ZDHHC3: variants seen among roughly 807,000 people sequenced by gnomAD.
ZDHHC3 encodes zDHHC palmitoyltransferase 3.
In ZDHHC3, 9 loss-of-function variants were observed where a neutral mutation model predicts 30.6. That is an observed-to-expected ratio of 0.29 (90% confidence interval 0.18 to 0.51). The LOEUF (loss-of-function observed/expected upper bound fraction) is 0.51, where lower values mean the gene tolerates loss of function less well. Among genes scored for constraint, ZDHHC3 ranks in the 20% least tolerant of loss-of-function variants. The pLI is 0.97. For missense variants in ZDHHC3, 246 were observed against 384.2 expected, an observed-to-expected ratio of 0.64 and a Z score of 3.01; for synonymous variants, 136 against 140.2, an observed-to-expected ratio of 0.97 and a Z score of 0.21.
At position 44,926,114 on chromosome 3, in the gene ZDHHC3, T is replaced by A; in HGVS notation, c.*575A>T. 1 of 985,912 alleles carries A rather than the reference T, an allele frequency of 1.0e-6. No homozygotes were observed. The highest frequency in any genetic ancestry group is 4.7e-5 in the South Asian group (1 of 21,286). 61.1% of individuals were successfully genotyped at this position (985,912 alleles called of 1,614,324 possible). ...CATAAAGTACAAGGCAGGCAATTGC[T>A]TTGCGAGTTAGCAGGCAAACCGTGT... On this transcript the variant is annotated 3_prime_UTR_variant, in exon 7 of 7. Transcript: ENST00000424952.
chr3:44,974,185 A>G (rs1335715608), intron 1 of ZDHHC3, among the ~76,000 whole-genome samples: 3 of 152,266 alleles, frequency 2.0e-5, no homozygotes, highest in Admixed American at 2.0e-4. Context: ...TTAGCCTAAT[A>G]TATAAGACAT....
chr3:44,939,268 A>G (rs916632793), intron 3 of ZDHHC3, among the ~76,000 whole-genome samples: 18 of 152,366 alleles, frequency 1.2e-4, no homozygotes, highest in African/African-American at 4.3e-4. Context: ...TCTCTCTGTT[A>G]CCACTTTTAA....
At chr3:44,932,905 A>G (rs1273455625) in intron 5 of ZDHHC3, 1 of 1,614,016 alleles carries the variant, frequency 6.2e-7, no homozygotes, top group East Asian at 2.2e-5. Context: ...TCATGACTTT[A>G]CCTGTCGAAC....
intron 1 of ZDHHC3, among the ~76,000 whole-genome samples, chr3:44,971,763 C>G (rs990017542): frequency 6.6e-6 from 1 of 152,082 alleles, no homozygotes; most frequent in African/African-American, 2.4e-5. Context: ...TAAGCTTTAC[C>G]CATGTATTAC....
At chr3:44,945,401 A>C in intron 2 of ZDHHC3, 109 bp from the exon 3 acceptor site, 3 of 1,455,142 alleles carry the variant, frequency 2.1e-6, no homozygotes, top group South Asian at 2.5e-5. Context: ...ACACATGGAC[A>C]GGACACTTTG....
intron 3 of ZDHHC3, among the ~76,000 whole-genome samples, chr3:44,939,270 C>T (rs1372548001): frequency 1.3e-5 from 2 of 152,226 alleles, no homozygotes; most frequent in African/African-American, 4.8e-5. Context: ...TCTCTGTTAC[C>T]ACTTTTAAAA....
At chr3:44,938,983 A>G (rs1325883065) in intron 3 of ZDHHC3, among the ~76,000 whole-genome samples, 1 of 152,232 alleles carries the variant, frequency 6.6e-6, no homozygotes, top group Non-Finnish European at 1.5e-5. Context: ...TGTACAAAAT[A>G]AGTTTATTAT....
chr3:44,965,270 T>A lies in ZDHHC3; in HGVS notation c.-24-5810A>T, dbSNP rs144797549. On this transcript the variant is annotated intron_variant, in intron 1 of 6. Transcript: ENST00000424952. ...ATAACACACGTGCTTCATTATACCT[T>A]ATCATAAGTGTGCTCTTCCACTAAC... 5.8e-4 allele frequency among the ~76,000 whole-genome samples: 89 copies of A among 152,260 alleles called. 1 individual carries two copies. The East Asian group carries it at 0.011, about 19-fold the overall frequency.
chr3:44,923,687 T>A lies in ZDHHC3; in HGVS notation c.*3002A>T. 1.3e-6 allele frequency: 1 copy of A among 785,682 alleles called. No individual in the cohort carries two copies. Among genetic ancestry groups the A allele is most frequent in the Non-Finnish European group, 1.5e-6 (1 of 648,052 alleles). 48.7% of individuals were successfully genotyped at this position (785,682 alleles called of 1,614,324 possible). ...GCATGGTAGTACGTGCCTGTAGCCC[T>A]GGATATTCAGGAGGCCAAGGCACAA... is the stretch of plus-strand genomic sequence containing the variant. On this transcript the variant is annotated 3_prime_UTR_variant, in exon 7 of 7. Coordinates refer to ENST00000424952, the MANE Select transcript of ZDHHC3 (RefSeq NM_001135179.2).
chr3:44,921,600 C>G lies in ZDHHC3; in HGVS notation c.*5089G>C, dbSNP rs1700598331. ...TGGTTTGAAAAGCACAGCTCCAACACAGCTAACATTTATAAAGCCATACCA... is the reference window on the plus strand; with the variant it reads ...TGGTTTGAAAAGCACAGCTCCAACAGAGCTAACATTTATAAAGCCATACCA... On this transcript the variant is annotated 3_prime_UTR_variant, in exon 7 of 7. Coordinates refer to ENST00000424952, the MANE Select transcript of ZDHHC3 (RefSeq NM_001135179.2). 1.0e-6 allele frequency: 1 copy of G among 985,334 alleles called. No individual in the cohort carries two copies. The highest frequency in any genetic ancestry group is 1.1e-4 in the East Asian group (1 of 8,836). The allele number at this position is 985,334 out of a possible 1,614,324, so 61.0% of individuals were successfully genotyped here. A position where few individuals can be genotyped will look rare whatever the true frequency, so the allele number is the denominator to read the frequency against.
intron 2 of ZDHHC3, among the ~76,000 whole-genome samples, chr3:44,953,020 A>G (rs1398485700): frequency 6.6e-6 from 1 of 152,248 alleles, no homozygotes; most frequent in Non-Finnish European, 1.5e-5. Flanking sequence ...CTGAATAATG[A>G]TACATTTATT....
chr3:44,960,717 ATC>A (rs1160406907), intron 1 of ZDHHC3, among the ~76,000 whole-genome samples: 1 of 152,242 alleles, frequency 6.6e-6, no homozygotes, highest in African/African-American at 2.4e-5. Context: ...GGCAAGAAAT[ATC>A]TCTGTCTTTT....
chr3:44,945,276 C>A lies in ZDHHC3; in HGVS notation c.323G>T (p.Gly108Val). 6.2e-6 allele frequency: 10 copies of A among 1,614,202 alleles called. No individual in the cohort carries two copies. Among genetic ancestry groups the A allele is most frequent in the Non-Finnish European group, 8.5e-6 (10 of 1,180,042 alleles). The stretch of plus-strand genomic sequence containing the variant: ...CTCGATGAATTCTTTAGTGGCATTT[C>A]CTTTGGGCACTGCCCCCTGTAGGAA... ...MLTDPGAVPK[G>V]NATKEFIESL... Residue 108 changes from glycine to valine, a missense_variant, in exon 3 of 7, where the codon GGA becomes GTA. Gly to Val is a moderately radical substitution (Grantham distance 109, BLOSUM62 -3). Transcript: ENST00000424952.
chr3:44,922,136 A>C lies in ZDHHC3; in HGVS notation c.*4553T>G. On this transcript the variant is annotated 3_prime_UTR_variant, in exon 7 of 7. Coordinates refer to ENST00000424952, the MANE Select transcript of ZDHHC3 (RefSeq NM_001135179.2). ...GTGGCTTGTTTCTGCTTCACTGTGA[A>C]TTCTTTCTCTTCTATGAGGTGATCC... is the stretch of plus-strand genomic sequence containing the variant. The C allele has an allele frequency of 4.5e-5, 44 of 985,420 alleles. No homozygotes were observed. Among genetic ancestry groups the C allele is most frequent in the Non-Finnish European group, 5.3e-5 (44 of 829,922 alleles). The allele number at this position is 985,420 out of a possible 1,614,324, so 61.0% of individuals were successfully genotyped here. A position where few individuals can be genotyped will look rare whatever the true frequency, so the allele number is the denominator to read the frequency against.
At position 44,925,432 on chromosome 3, in the gene ZDHHC3, G is replaced by A; in HGVS notation, c.*1257C>T. 2 of 985,510 alleles carry A rather than the reference G, an allele frequency of 2.0e-6. No homozygotes were observed. The highest frequency in any genetic ancestry group is 2.4e-6 in the Non-Finnish European group (2 of 829,938). 61.0% of individuals were successfully genotyped at this position (985,510 alleles called of 1,614,324 possible). A position where few individuals can be genotyped will look rare whatever the true frequency, so the allele number is the denominator to read the frequency against. The stretch of plus-strand genomic sequence containing the variant: ...GTCAATAATCATATTTGTTATTTTT[G>A]CACTTGGAGGGCACTCCCTACCTCC... On this transcript the variant is annotated 3_prime_UTR_variant, in exon 7 of 7. Transcript: ENST00000424952.
intron 3 of ZDHHC3, among the ~76,000 whole-genome samples, chr3:44,934,669 A>G (rs1184664834): frequency 6.6e-6 from 1 of 151,718 alleles, no homozygotes; most frequent in Non-Finnish European, 1.5e-5. Flanking sequence ...AGATGGGCAG[A>G]TCATCTGAGG....
chr3:44,974,288 T>C (rs1308529675), intron 1 of ZDHHC3, among the ~76,000 whole-genome samples: 3 of 152,256 alleles, frequency 2.0e-5, no homozygotes, highest in Non-Finnish European at 2.9e-5. Flanking sequence ...ATACATGTTC[T>C]ATATTTTAAG....
At chr3:44,971,556 C>G (rs1337795260) in intron 1 of ZDHHC3, among the ~76,000 whole-genome samples, 2 of 152,208 alleles carry the variant, frequency 1.3e-5, no homozygotes, top group African/African-American at 4.8e-5. Flanking sequence ...TGAGACATCA[C>G]CCCTCCACTT....
rs1044141200 is a variant in ZDHHC3 at position 44,923,050 on chromosome 3, T to C, written c.*3639A>G. The C allele has an allele frequency of 1.0e-6, 1 of 983,556 alleles. No homozygotes were observed. 60.9% of individuals were successfully genotyped at this position (983,556 alleles called of 1,614,324 possible). A position where few individuals can be genotyped will look rare whatever the true frequency, so the allele number is the denominator to read the frequency against. On this transcript the variant is annotated 3_prime_UTR_variant, in exon 7 of 7. Coordinates refer to ENST00000424952, the MANE Select transcript of ZDHHC3 (RefSeq NM_001135179.2). ...CACCCGGAGAGGAGTTTCTGTGTAA[T>C]GCCAACCTCACATACATGTTTAAAA...
Sources: allele counts gnomAD v4.1 joint callset (sites outside exome capture counted in the v4.1 genomes callset), GRCh38; gene constraint gnomAD v4.1.1; transcripts MANE v1.5; gene names NCBI Gene and HGNC (gene_info 2026-07-23, HGNC 2026-07-21).